SDHB: variants seen among roughly 807,000 people sequenced by gnomAD.
The protein encoded by SDHB is succinate dehydrogenase [ubiquinone] iron-sulfur subunit, mitochondrial.
In SDHB, 21 loss-of-function variants were observed where a neutral mutation model predicts 39.7. The ratio of observed to expected loss-of-function variants is 0.53; its 90% CI spans 0.37 to 0.76. SDHB has a LOEUF of 0.76. SDHB is among the 30% of genes least tolerant of loss of function. SDHB has a pLI of 0.00. For synonymous variants in SDHB, 118 were observed against 117.0 expected (o/e 1.01, Z -0.06); for missense variants, 343 against 350.9 (o/e 0.98, Z 0.18).
chr1:17,049,056 G>A (rs1291372731), intron 1 of SDHB, among the ~76,000 whole-genome samples: 1 of 152,012 alleles, frequency 6.6e-6, no homozygotes, highest in African/African-American at 2.4e-5. Context: ...TTATTGCCCA[G>A]GCTGGAGATC....
rs1230335211 is a variant in SDHB, at chr1:17,044,773, A to G, written c.188T>C (p.Val63Ala). ...CAGAGATACTCACTTATTAAGGTCAACTTCATAAGTCTGCATATGAGGTTT... is the reference window on the plus strand; with the variant it reads ...CAGAGATACTCACTTATTAAGGTCAGCTTCATAAGTCTGCATATGAGGTTT... ...GDKPHMQTYE[V>A]DLNKCGPMVL... The change falls in exon 2 of 8, where the codon GTT becomes GCT. Residue 63 changes from valine (V) to alanine (A), a missense_variant. Val to Ala is a moderately conservative substitution (Grantham distance 64, BLOSUM62 0). Coordinates refer to ENST00000375499, the MANE Select transcript of SDHB (RefSeq NM_003000.3). The G allele has an allele frequency of 6.2e-7, 1 of 1,614,098 alleles. No homozygotes were observed.
rs568627338 is a variant in SDHB, at chr1:17,020,992, C to T, written c.765+1616G>A. On this transcript the variant is annotated intron_variant, in intron 7 of 7. Coordinates refer to ENST00000375499, the MANE Select transcript of SDHB (RefSeq NM_003000.3). ...GGCCACCCTACAGTTTTCCACCTTG[C>T]CGCCCACTGACTCACTGCAACTTTT... Among the ~76,000 whole-genome samples the T allele has an allele frequency of 2.0e-5, 3 of 152,362 alleles. No individual in the cohort carries two copies. In the South Asian group the frequency reaches 6.2e-4, roughly 32 times the overall value.
intron 3 of SDHB, among the ~76,000 whole-genome samples, chr1:17,029,554 C>A (rs897852622): frequency 5.9e-5 from 9 of 152,228 alleles, no homozygotes; most frequent in African/African-American, 2.2e-4. Context: ...GCCTCAGCCT[C>A]CTGAGTAGGG....
intron 2 of SDHB, 70 bp from the exon 3 acceptor site, chr1:17,033,215 C>T (rs1004732082): frequency 3.4e-6 from 4 of 1,166,374 alleles, no homozygotes; most frequent in East Asian, 2.4e-5. Context: ...ATAATATAAT[C>T]GGAGACACCT....
intron 5 of SDHB, among the ~76,000 whole-genome samples, chr1:17,027,376 T>C (rs1385409013): frequency 9.9e-5 from 15 of 152,216 alleles, no homozygotes; most frequent in Admixed American, 9.2e-4. Context: ...AGGACGGTGG[T>C]AGTTACAACT....
intron 3 of SDHB, among the ~76,000 whole-genome samples, chr1:17,032,309 T>A (rs1167218176): frequency 6.6e-6 from 1 of 151,212 alleles, no homozygotes; most frequent in African/African-American, 2.4e-5. Context: ...TGCCTCAGCC[T>A]CCCGAGTAGC....
intron 7 of SDHB, 51 bp downstream of exon 7, chr1:17,022,557 T>C: frequency 6.2e-7 from 1 of 1,610,496 alleles, no homozygotes; most frequent in East Asian, 2.2e-5. Context: ...CACATGCTAC[T>C]TCTGGCGTGT....
At chr1:17,043,256 C>T (rs1032200890) in intron 2 of SDHB, among the ~76,000 whole-genome samples, 4 of 152,102 alleles carry the variant, frequency 2.6e-5, no homozygotes, top group African/African-American at 4.8e-5. Context: ...CCACCGCGCC[C>T]GGCCTGTTTA....
At position 17,030,509 on chromosome 1, in the gene SDHB, G is replaced by A. The variant is rs1355234931; in HGVS notation, c.287-1773C>T. The stretch of plus-strand genomic sequence containing the variant: ...AAAAAACGTGCTGACCCAGGACCCC[G>A]ACATGAGAATTTTCTTAGCCTGGAC... On this transcript the variant is annotated intron_variant, in intron 3 of 7. Coordinates refer to ENST00000375499, the MANE Select transcript of SDHB (RefSeq NM_003000.3). Among the ~76,000 whole-genome samples, 6 of 152,114 alleles carry A rather than the reference G, an allele frequency of 3.9e-5. No homozygotes were observed. In the East Asian group the frequency reaches 1.2e-3, roughly 29 times the overall value.
rs200353146 is a variant in SDHB at position 17,027,842 on chromosome 1, C to A, written c.447G>T (p.Gln149His). ...TCAAATAAGGCTCAATGGATTTGTA[C>A]TGTGCATAGAAGTTGCTCAAATCCT... ...LVPDLSNFYAQYKSIEPYLKK... is the reference protein window; with the variant it reads ...LVPDLSNFYAHYKSIEPYLKK... Residue 149 changes from glutamine (Q) to histidine (H), a missense_variant, in exon 5 of 8, where the codon CAG becomes CAT. Gln to His is a conservative substitution (Grantham distance 24, BLOSUM62 0). Coordinates refer to ENST00000375499, the MANE Select transcript of SDHB (RefSeq NM_003000.3). 6 of 1,611,086 alleles carry A rather than the reference C, an allele frequency of 3.7e-6. No homozygotes were observed. Among genetic ancestry groups the A allele is most frequent in the Non-Finnish European group, 5.1e-6 (6 of 1,177,426 alleles).
chr1:17,052,875 C>A (rs1200632091), intron 1 of SDHB, among the ~76,000 whole-genome samples: 1 of 152,182 alleles, frequency 6.6e-6, no homozygotes, highest in Admixed American at 6.5e-5. Context: ...AACCATGTCC[C>A]AAGATCTATG....
chr1:17,019,522 C>A (rs1038385117), intron 7 of SDHB, among the ~76,000 whole-genome samples: 2 of 152,068 alleles, frequency 1.3e-5, no homozygotes, highest in Non-Finnish European at 2.9e-5. Context: ...AATAATTAAA[C>A]CCACTGAATG....
intron 2 of SDHB, among the ~76,000 whole-genome samples, chr1:17,043,207 T>G (rs1570956981): frequency 6.6e-6 from 1 of 152,086 alleles, no homozygotes; most frequent in African/African-American, 2.4e-5. Context: ...GTGATCCACC[T>G]GCCTCGGCTT....
intron 2 of SDHB, among the ~76,000 whole-genome samples, chr1:17,038,358 T>A (rs2078061431): frequency 6.6e-6 from 1 of 152,234 alleles, no homozygotes; most frequent in Non-Finnish European, 1.5e-5. Context: ...ATAAATAGAA[T>A]TATCTGTAGC....
rs1158541577 is a variant in SDHB, at chr1:17,023,957, T to C, written c.642+16A>G. The stretch of plus-strand genomic sequence containing the variant: ...TGAGTTTCAATTTCTCTTAAAGCAA[T>C]TAAGGAGCACCTCACCTGCATAAGA... On this transcript the variant is annotated intron_variant, in intron 6 of 7. Coordinates refer to ENST00000375499, the MANE Select transcript of SDHB (RefSeq NM_003000.3). 1.9e-6 allele frequency: 3 copies of C among 1,586,634 alleles called. No individual in the cohort carries two copies.
intron 1 of SDHB, among the ~76,000 whole-genome samples, chr1:17,052,747 C>A (rs2078155804): frequency 6.6e-6 from 1 of 152,050 alleles, no homozygotes; most frequent in Admixed American, 6.5e-5. Context: ...CTGGATAGAA[C>A]CAGGATTGGA....
At chr1:17,037,145 AGACT>A (rs2078054684) in intron 2 of SDHB, among the ~76,000 whole-genome samples, 1 of 152,284 alleles carries the variant, frequency 6.6e-6, no homozygotes, top group Non-Finnish European at 1.5e-5. Context: ...TATAAAATGA[AGACT>A]GACAGACATA....
At chr1:17,045,039 C>G in intron 1 of SDHB, 151 bp from the exon 2 acceptor site, 2 of 712,386 alleles carry the variant, frequency 2.8e-6, no homozygotes, top group Admixed American at 2.3e-5. Context: ...CAATATCCAA[C>G]AAGTATTAAG....
At chr1:17,022,968 T>A in intron 6 of SDHB, 1 of 480,750 alleles carries the variant, frequency 2.1e-6, no homozygotes, top group Non-Finnish European at 3.9e-6. Flanking sequence ...CCCGGGTGCT[T>A]AATTATACAC....
Sources: gnomAD v4.1 joint callset for allele counts (sites outside exome capture counted in the v4.1 genomes callset) on GRCh38, gnomAD v4.1.1 for gene constraint, MANE v1.5 for transcripts, NCBI Gene and HGNC (gene_info 2026-07-23, HGNC 2026-07-21) for gene names.